Variants in SLCO3A1 observed in about 807,000 individuals in gnomAD.
SLCO3A1 encodes PGE1 transporter.
A neutral mutation model predicts 63.1 loss-of-function variants in SLCO3A1; 27 were observed. The observed-to-expected ratio is 0.43, with a 90% CI of 0.32 to 0.59. The LOEUF (loss-of-function observed/expected upper bound fraction) is 0.59. Among genes scored for constraint, SLCO3A1 ranks in the 20% least tolerant of loss-of-function variants. SLCO3A1 has a pLI of 0.09. For missense variants in SLCO3A1, 773 were observed against 945.8 expected (o/e 0.82, Z 2.40); for synonymous variants, 473 against 409.9 (o/e 1.15, Z -1.86).
intron 2 of SLCO3A1, among the ~76,000 whole-genome samples, chr15:91,947,054 G>C: frequency 6.6e-6 from 1 of 152,140 alleles, no homozygotes; most frequent in South Asian, 2.1e-4. Flanking sequence ...CCTGTCATCG[G>C]GTCCCGAGTG....
chr15:92,096,599 C>T (rs985439598), intron 3 of SLCO3A1, among the ~76,000 whole-genome samples: 65 of 152,138 alleles, frequency 4.3e-4, no homozygotes, highest in African/African-American at 1.4e-3. Context: ...CTTCTCATGC[C>T]GATCTATCCT....
At chr15:91,911,890 G>T (rs147954509) in intron 1 of SLCO3A1, among the ~76,000 whole-genome samples, 30 of 152,190 alleles carry the variant, frequency 2.0e-4, no homozygotes, top group African/African-American at 7.0e-4. Context: ...CTCCCAAAGT[G>T]CTGGGATTAC....
chr15:92,099,982 C>G (rs1173141421), intron 3 of SLCO3A1, among the ~76,000 whole-genome samples: 3 of 151,690 alleles, frequency 2.0e-5, no homozygotes, highest in African/African-American at 7.3e-5. Context: ...AGGAGAATTG[C>G]TTGAACCCAG....
At chr15:91,975,665 C>G (rs1901076686) in intron 2 of SLCO3A1, among the ~76,000 whole-genome samples, 1 of 152,260 alleles carries the variant, frequency 6.6e-6, no homozygotes, top group African/African-American at 2.4e-5. Context: ...CAACCTTCCT[C>G]TCAGCCTGTC....
At chr15:92,146,940 C>T in intron 7 of SLCO3A1, 44 bp from the exon 8 acceptor site, 1 of 1,543,690 alleles carries the variant, frequency 6.5e-7, no homozygotes, top group Non-Finnish European at 8.7e-7. Context: ...CCTTTGGAAA[C>T]CGGAAGTACC....
At chr15:92,051,002 G>A (rs1422968539) in intron 2 of SLCO3A1, among the ~76,000 whole-genome samples, 1 of 152,164 alleles carries the variant, frequency 6.6e-6, no homozygotes, top group Admixed American at 6.5e-5. Context: ...CACCTTCTTA[G>A]AGCAGACTTC....
chr15:92,171,960 G>A lies in SLCO3A1; in HGVS notation c.*98G>A, dbSNP rs530631289. On this transcript the variant is annotated 3_prime_UTR_variant, in exon 11 of 11. Transcript: ENST00000424469. ...CGCGCTCCTCCCTGTCCGAGAACCC[G>A]AGGGTCCCCATGTGGATTATCCAGC... 122 of 876,550 alleles carry A rather than the reference G, an allele frequency of 1.4e-4. No individual in the cohort carries two copies. In the African/African-American group the frequency reaches 1.9e-3, roughly 13 times the overall value. 54.3% of individuals were successfully genotyped at this position (876,550 alleles called of 1,614,324 possible). A position where few individuals can be genotyped will look rare whatever the true frequency, so the allele number is the denominator to read the frequency against.
At chr15:92,151,765 C>T (rs535904239) in intron 9 of SLCO3A1, among the ~76,000 whole-genome samples, 2 of 152,302 alleles carry the variant, frequency 1.3e-5, no homozygotes, top group South Asian at 4.1e-4. Context: ...GTCACCTTCC[C>T]CAGTGGACTT....
At chr15:92,096,686 C>G (rs1167746101) in intron 3 of SLCO3A1, among the ~76,000 whole-genome samples, 1 of 152,142 alleles carries the variant, frequency 6.6e-6, no homozygotes. Context: ...CTAATTCACC[C>G]CAAAGAAATA....
chr15:92,143,197 C>A (rs368969000), intron 7 of SLCO3A1, among the ~76,000 whole-genome samples: 59 of 146,840 alleles, frequency 4.0e-4, no homozygotes, highest in Non-Finnish European at 8.3e-4. Flanking sequence ...CTCTTTGAGT[C>A]CATATGGTTC....
intron 2 of SLCO3A1, among the ~76,000 whole-genome samples, chr15:91,975,741 A>G (rs1901081605): frequency 6.6e-6 from 1 of 152,050 alleles, no homozygotes; most frequent in South Asian, 2.1e-4. Flanking sequence ...CTGTTCCTAT[A>G]ACTATGAGAT....
At chr15:91,986,511 A>G (rs977590437) in intron 2 of SLCO3A1, among the ~76,000 whole-genome samples, 2 of 152,082 alleles carry the variant, frequency 1.3e-5, no homozygotes, top group Non-Finnish European at 1.5e-5. Context: ...AATTCATTTT[A>G]TGTTGACCTA....
intron 1 of SLCO3A1, among the ~76,000 whole-genome samples, chr15:91,884,593 CTT>C (rs377336625): frequency 1.3e-3 from 193 of 148,274 alleles, no homozygotes; most frequent in African/African-American, 3.2e-3. Context: ...TAAAATAAAA[CTT>C]ATTGATTTAT....
At chr15:92,024,369 G>A (rs889861114) in intron 2 of SLCO3A1, among the ~76,000 whole-genome samples, 2 of 152,208 alleles carry the variant, frequency 1.3e-5, no homozygotes, top group Non-Finnish European at 2.9e-5. Flanking sequence ...TTAATCTTCA[G>A]AGGAAAATGA....
chr15:92,078,472 C>T (rs188741780), intron 2 of SLCO3A1, among the ~76,000 whole-genome samples: 19 of 152,300 alleles, frequency 1.2e-4, no homozygotes, highest in African/African-American at 4.1e-4. Context: ...CGCACCTCCG[C>T]GGGCAGCTGC....
intron 8 of SLCO3A1, among the ~76,000 whole-genome samples, chr15:92,147,921 C>T (rs2048250640): frequency 6.6e-6 from 1 of 152,198 alleles, no homozygotes; most frequent in African/African-American, 2.4e-5. Context: ...AGGTACTCTA[C>T]ACAAAGACTC....
intron 2 of SLCO3A1, among the ~76,000 whole-genome samples, chr15:92,044,783 G>A (rs751889610): frequency 5.3e-5 from 8 of 152,042 alleles, no homozygotes; most frequent in Admixed American, 2.0e-4. Flanking sequence ...AGTGCCACCC[G>A]ATCTGTCCAT....
chr15:91,879,018 A>G lies in SLCO3A1; in HGVS notation c.180+24930A>G, dbSNP rs554875022. Among the ~76,000 whole-genome samples, 13 of 152,358 alleles carry G rather than the reference A, an allele frequency of 8.5e-5. No homozygotes were observed. In the East Asian group the frequency reaches 2.1e-3, roughly 25 times the overall value. ...CATAATTACAACATATCTATGAAGT[A>G]CGTGACTCTATTTTGAAAATCAGCC... On this transcript the variant is annotated intron_variant, in intron 1 of 9. Coordinates refer to ENST00000318445, the MANE Select transcript of SLCO3A1 (RefSeq NM_013272.4).
At chr15:92,106,230 C>T (rs1179271849) in intron 4 of SLCO3A1, among the ~76,000 whole-genome samples, 1 of 152,232 alleles carries the variant, frequency 6.6e-6, no homozygotes, top group Non-Finnish European at 1.5e-5. Flanking sequence ...TCTACCAATG[C>T]TGTAATTTGG....
Sources: gnomAD v4.1 joint callset for allele counts (sites outside exome capture counted in the v4.1 genomes callset) on GRCh38, gnomAD v4.1.1 for gene constraint, MANE v1.5 for transcripts, NCBI Gene and HGNC (gene_info 2026-07-23, HGNC 2026-07-21) for gene names.